RAPGEF6: variants seen among roughly 807,000 people sequenced by gnomAD.
RAPGEF6 encodes the protein Rap guanine nucleotide exchange factor 6.
Under a neutral mutation model 171.4 loss-of-function variants are expected in RAPGEF6, and 56 were observed. The observed-to-expected ratio is 0.33, with a 90% CI of 0.26 to 0.41. The LOEUF (loss-of-function observed/expected upper bound fraction) is 0.41, where lower values mean the gene tolerates loss of function less well. Among genes scored for constraint, RAPGEF6 ranks in the 10% least tolerant of loss-of-function variants. The pLI is 1.00. For missense variants in RAPGEF6, 1,674 were observed against 1,921.4 expected (o/e 0.87, Z 2.41); for synonymous variants, 692 against 650.1 (o/e 1.06, Z -0.98).
intron 15 of RAPGEF6, among the ~76,000 whole-genome samples, chr5:131,486,231 C>T (rs1044493765): frequency 1.3e-5 from 2 of 152,172 alleles, no homozygotes; most frequent in African/African-American, 4.8e-5. Context: ...TTTTATTCTA[C>T]GGATGGGAAA....
intron 1 of RAPGEF6, among the ~76,000 whole-genome samples, chr5:131,611,543 AT>A (rs951752163): frequency 6.6e-6 from 1 of 152,104 alleles, no homozygotes; most frequent in Non-Finnish European, 1.5e-5. Flanking sequence ...GTGGTGGTGC[AT>A]GCCTACAATC....
chr5:131,431,022 G>T lies in RAPGEF6; in HGVS notation c.4302C>A (p.Thr1434=). The change falls in exon 26 of 28, where the codon ACC becomes ACA. Residue 1434 remains threonine, a synonymous_variant. Coordinates refer to ENST00000509018, the MANE Select transcript of RAPGEF6 (RefSeq NM_016340.6). ...ACGTGTCAGACAGAGAACTGGAGGA[G>T]GTCCAACTCTTTCTCTCTAGGCTTC... The part of the protein sequence containing the change: ...CKGSLERKSW[T]SSSSLSDTYE... 1 of 1,614,152 alleles carries T rather than the reference G, an allele frequency of 6.2e-7. No individual in the cohort carries two copies. Among genetic ancestry groups the T allele is most frequent in the Non-Finnish European group, 8.5e-7 (1 of 1,180,022 alleles).
At position 131,612,201 on chromosome 5, in the gene RAPGEF6, ATTTTT is replaced by A. The variant is rs35306366; in HGVS notation, c.70-7513_70-7509del. On this transcript the variant is annotated intron_variant, in intron 1 of 27. Coordinates refer to ENST00000509018, the MANE Select transcript of RAPGEF6 (RefSeq NM_016340.6). ...AGGCGTGCACCACCATGCTCAGCTA[ATTTTT>A]TTTTTTTTTTTTTTTTTTTTGGTGA... is the stretch of plus-strand genomic sequence containing the variant. Among the ~76,000 whole-genome samples the A allele has an allele frequency of 3.1e-4, 26 of 83,328 alleles. 1 individual carries two copies. The highest frequency in any genetic ancestry group is 2.5e-3 in the Admixed American group (16 of 6,408). 54.7% of individuals were successfully genotyped at this position (83,328 alleles called of 152,430 possible). A position where few individuals can be genotyped will look rare whatever the true frequency, so the allele number is the denominator to read the frequency against.
At chr5:131,575,296 C>A (rs990087368) in intron 4 of RAPGEF6, among the ~76,000 whole-genome samples, 7 of 152,158 alleles carry the variant, frequency 4.6e-5, no homozygotes, top group African/African-American at 1.7e-4. Context: ...TTCTTTCCAT[C>A]CGTTTCTCAC....
At chr5:131,630,287 A>G (rs1389697722) in intron 1 of RAPGEF6, among the ~76,000 whole-genome samples, 1 of 152,232 alleles carries the variant, frequency 6.6e-6, no homozygotes, top group Non-Finnish European at 1.5e-5. Context: ...TTAGCAATAA[A>G]GTATTTTTAA....
chr5:131,576,675 C>T (rs981213766), intron 4 of RAPGEF6, among the ~76,000 whole-genome samples: 1 of 152,104 alleles, frequency 6.6e-6, no homozygotes, highest in Non-Finnish European at 1.5e-5. Flanking sequence ...CAGTTTTTTT[C>T]CTTCTCATTT....
intron 6 of RAPGEF6, among the ~76,000 whole-genome samples, chr5:131,522,759 C>CTGTGACAG (rs1235773938): frequency 2.0e-5 from 3 of 152,158 alleles, no homozygotes; most frequent in Non-Finnish European, 4.4e-5. Flanking sequence ...CAAGAAGTAC[C>CTGTGACAG]TGTGACAGCC....
intron 4 of RAPGEF6, 63 bp downstream of exon 4, chr5:131,592,305 TTACTGAAAGAAAATA>T (rs773764425): frequency 1.3e-6 from 2 of 1,537,340 alleles, no homozygotes; most frequent in Non-Finnish European, 1.8e-6. Flanking sequence ...GATGTATCAC[TTACTGAAAGAAAATA>T]TACATCCTAT....
intron 6 of RAPGEF6, among the ~76,000 whole-genome samples, chr5:131,538,139 A>C (rs1426172913): frequency 6.6e-6 from 1 of 151,420 alleles, no homozygotes; most frequent in Non-Finnish European, 1.5e-5. Flanking sequence ...AATAAAAAAA[A>C]CTACAAATTT....
intron 6 of RAPGEF6, among the ~76,000 whole-genome samples, chr5:131,531,738 A>G (rs1759388146): frequency 6.6e-6 from 1 of 152,210 alleles, no homozygotes; most frequent in South Asian, 2.1e-4. Context: ...ATGTCATATA[A>G]TCTGGCAATT....
At chr5:131,509,099 AT>A (rs1038887936) in intron 8 of RAPGEF6, among the ~76,000 whole-genome samples, 4 of 152,216 alleles carry the variant, frequency 2.6e-5, no homozygotes, top group African/African-American at 9.6e-5. Flanking sequence ...TAAGAAAAAA[AT>A]CTTAATTAAA....
chr5:131,460,986 C>G (rs1238550412), intron 19 of RAPGEF6, among the ~76,000 whole-genome samples: 1 of 152,118 alleles, frequency 6.6e-6, no homozygotes, highest in Non-Finnish European at 1.5e-5. Flanking sequence ...AACTCCTCTC[C>G]CTTTTAAAAT....
intron 19 of RAPGEF6, among the ~76,000 whole-genome samples, chr5:131,460,409 T>C (rs1242508016): frequency 1.3e-5 from 2 of 152,300 alleles, no homozygotes; most frequent in African/African-American, 4.8e-5. Context: ...CTACCCTCTT[T>C]TTTATACAGA....
chr5:131,510,188 A>C, intron 8 of RAPGEF6, 126 bp downstream of exon 8: 1 of 1,064,676 alleles, frequency 9.4e-7, no homozygotes, highest in South Asian at 1.7e-5. Context: ...TTGACTCACA[A>C]AAACTCTAAG....
chr5:131,440,432 CTG>C (rs1432797671), intron 23 of RAPGEF6, among the ~76,000 whole-genome samples: 1 of 152,100 alleles, frequency 6.6e-6, no homozygotes, highest in Non-Finnish European at 1.5e-5. Context: ...GCTATAGACA[CTG>C]TTCTTAAAAC....
intron 3 of RAPGEF6, among the ~76,000 whole-genome samples, chr5:131,600,304 C>T (rs1327076117): frequency 6.6e-6 from 1 of 152,044 alleles, no homozygotes; most frequent in East Asian, 1.9e-4. Flanking sequence ...GGCAGATCAC[C>T]TGAGGTCACG....
intron 3 of RAPGEF6, among the ~76,000 whole-genome samples, chr5:131,597,865 G>A (rs553264625): frequency 1.1e-4 from 16 of 152,226 alleles, no homozygotes; most frequent in African/African-American, 3.9e-4. Context: ...GCTTTTGAAT[G>A]TTTTCACCAC....
chr5:131,510,888 G>A (rs1004830593), intron 7 of RAPGEF6, among the ~76,000 whole-genome samples: 7 of 152,190 alleles, frequency 4.6e-5, no homozygotes, highest in Non-Finnish European at 7.3e-5. Context: ...TCTATGCTGG[G>A]TATTGTGAAG....
intron 21 of RAPGEF6, chr5:131,449,931 G>C (rs1752952442): frequency 7.6e-7 from 1 of 1,314,174 alleles, no homozygotes; most frequent in Non-Finnish European, 1.1e-6. Flanking sequence ...TAGAATTCAT[G>C]CTATTTTATG....
Sources: allele counts gnomAD v4.1 joint callset (sites outside exome capture counted in the v4.1 genomes callset), GRCh38; gene constraint gnomAD v4.1.1; transcripts MANE v1.5; gene names NCBI Gene and HGNC (gene_info 2026-07-23, HGNC 2026-07-21).